Variants in ICA1 observed in about 807,000 individuals in gnomAD.
ICA1 encodes the protein islet cell autoantigen 1, also known as 69 kDa islet cell autoantigen.
In ICA1, 40 loss-of-function variants were observed where a neutral mutation model predicts 71.0. The observed-to-expected ratio is 0.56, with a 90% CI of 0.44 to 0.73. ICA1 has a LOEUF of 0.73. Ranked by LOEUF, ICA1 falls within the 30% of genes least tolerant of loss-of-function variation. The pLI is 0.00. For missense variants in ICA1, 578 were observed against 576.5 expected, an observed-to-expected ratio of 1.00 and a Z score of -0.03; for synonymous variants, 207 against 209.5, an observed-to-expected ratio of 0.99 and a Z score of 0.10.
chr7:8,117,778 G>A (rs1785252391), intron 13 of ICA1, among the ~76,000 whole-genome samples: 1 of 152,174 alleles, frequency 6.6e-6, no homozygotes, highest in Non-Finnish European at 1.5e-5. Context: ...AGTTCAGATG[G>A]GGCAGTGAAA....
intron 7 of ICA1, chr7:8,157,453 C>T (rs1002079646): frequency 9.2e-5 from 43 of 467,470 alleles, no homozygotes; most frequent in Middle Eastern, 5.4e-4. Flanking sequence ...GGGACATTCT[C>T]CTCTCCATTC....
chr7:8,147,636 T>C (rs969815586), intron 8 of ICA1, among the ~76,000 whole-genome samples: 6 of 151,212 alleles, frequency 4.0e-5, no homozygotes, highest in Non-Finnish European at 5.9e-5. Flanking sequence ...GCAAAATTGA[T>C]ACTGAGCACA....
intron 6 of ICA1, among the ~76,000 whole-genome samples, chr7:8,166,480 A>C (rs191907914): frequency 1.3e-5 from 2 of 152,354 alleles, no homozygotes; most frequent in East Asian, 3.9e-4. Context: ...TACACCATAC[A>C]AAAATATCAA....
chr7:8,127,695 G>A (rs1789799919), intron 13 of ICA1, among the ~76,000 whole-genome samples, 178 bp downstream of exon 13: 1 of 152,116 alleles, frequency 6.6e-6, no homozygotes, highest in South Asian at 2.1e-4. Flanking sequence ...TTATGAAAAG[G>A]AATGTATTTT....
chr7:8,138,755 G>C, intron 12 of ICA1, 85 bp downstream of exon 12: 1 of 1,155,626 alleles, frequency 8.7e-7, no homozygotes, highest in Non-Finnish European at 1.3e-6. Context: ...CTATTAAAAA[G>C]ATTAAGATTA....
rs868275095 is a variant in ICA1 at position 8,232,327 on chromosome 7, C to T, written c.183+263G>A. ...CAAGCAGCAGCTCTTTGACTGCATT[C>T]CTTTTCCCAAGAAACGCTTACTGAG... On this transcript the variant is annotated intron_variant, in intron 3 of 13. Transcript: ENST00000402384. 3.5e-4 allele frequency among the ~76,000 whole-genome samples: 54 copies of T among 152,322 alleles called. No individual in the cohort carries two copies. The Middle Eastern group carries it at 0.017, about 48-fold the overall frequency.
intron 5 of ICA1, 34 bp downstream of exon 5, chr7:8,221,241 C>T (rs781206035): frequency 1.2e-6 from 2 of 1,610,974 alleles, no homozygotes; most frequent in East Asian, 2.2e-5. Flanking sequence ...CTCCTCAGAT[C>T]CCCCCAGATA....
rs181750157 is a variant in ICA1 at position 8,205,313 on chromosome 7, C to A, written c.579+12992G>T. ...AGATCTTTAAAATTAAAGATGTTTT[C>A]AATGTCTTATTCTAAAATACTTGAT... On this transcript the variant is annotated intron_variant, in intron 6 of 13. Coordinates refer to ENST00000402384, the MANE Select transcript of ICA1 (RefSeq NM_001136020.3). Among the ~76,000 whole-genome samples, 9 of 152,248 alleles carry A rather than the reference C, an allele frequency of 5.9e-5. No individual in the cohort carries two copies. The East Asian group carries it at 1.5e-3, about 26-fold the overall frequency.
chr7:8,180,073 T>A (rs182846186), intron 6 of ICA1, among the ~76,000 whole-genome samples: 1 of 152,256 alleles, frequency 6.6e-6, no homozygotes, highest in Admixed American at 6.5e-5. Flanking sequence ...ATATACAGTT[T>A]TTTTTGCTCC....
At position 8,237,819 on chromosome 7, in the gene ICA1, G is replaced by GACACACAC. The variant is rs57343882; in HGVS notation, c.-79-1822_-79-1815dup. On this transcript the variant is annotated intron_variant, in intron 1 of 13. Coordinates refer to ENST00000402384, the MANE Select transcript of ICA1 (RefSeq NM_001136020.3). ...CATTGTATATGCAATGTTGAAGACA[G>GACACACAC]ACACACACACACACACACACACACA... Among the ~76,000 whole-genome samples the GACACACAC allele has an allele frequency of 7.9e-3, 1,120 of 142,156 alleles. 13 individuals are homozygous for GACACACAC. The highest frequency in any genetic ancestry group is 0.025 in the African/African-American group (970 of 39,484). The allele number at this position is 142,156 out of a possible 152,430, so 93.3% of individuals were successfully genotyped here.
intron 1 of ICA1, among the ~76,000 whole-genome samples, chr7:8,253,584 G>A (rs1224778608): frequency 6.6e-6 from 1 of 151,662 alleles, no homozygotes; most frequent in Non-Finnish European, 1.5e-5. Flanking sequence ...TCAACCAAAG[G>A]CAAATAGAAA....
At chr7:8,158,295 A>G in intron 7 of ICA1, 3 of 498,228 alleles carry the variant, frequency 6.0e-6, no homozygotes, top group Non-Finnish European at 1.1e-5. Context: ...GGTAGAAGGG[A>G]CCCCATAAGT....
chr7:8,253,354 C>T (rs867807108), intron 1 of ICA1, among the ~76,000 whole-genome samples: 1 of 152,174 alleles, frequency 6.6e-6, no homozygotes, highest in South Asian at 2.1e-4. Flanking sequence ...GCACAATGTA[C>T]TATTTGTGTC....
At chr7:8,255,927 C>T (rs59527707) in intron 1 of ICA1, among the ~76,000 whole-genome samples, 1 of 152,032 alleles carries the variant, frequency 6.6e-6, no homozygotes, top group African/African-American at 2.4e-5. Flanking sequence ...GCACATACCA[C>T]CACACCCAGC....
intron 1 of ICA1, among the ~76,000 whole-genome samples, chr7:8,244,127 C>T (rs1020935326): frequency 7.4e-4 from 112 of 152,156 alleles, no homozygotes; most frequent in Non-Finnish European, 2.9e-5. Context: ...AAGAACAAAC[C>T]TGGAGGCATC....
intron 6 of ICA1, among the ~76,000 whole-genome samples, chr7:8,174,607 A>G (rs1157744605): frequency 6.6e-6 from 1 of 151,920 alleles, no homozygotes; most frequent in Non-Finnish European, 1.5e-5. Flanking sequence ...CAGCTTGGGC[A>G]ACGTGGCAAA....
At chr7:8,118,618 A>T (rs951436010) in intron 13 of ICA1, among the ~76,000 whole-genome samples, 2 of 152,210 alleles carry the variant, frequency 1.3e-5, no homozygotes, top group African/African-American at 4.8e-5. Flanking sequence ...AAATCACATA[A>T]AACAGTGGTA....
At chr7:8,242,957 A>C (rs911079527) in intron 1 of ICA1, among the ~76,000 whole-genome samples, 12 of 152,210 alleles carry the variant, frequency 7.9e-5, no homozygotes, top group African/African-American at 2.9e-4. Context: ...CCAGGACCAG[A>C]CGGATTCACA....
chr7:8,253,140 G>A (rs547816014), intron 1 of ICA1, among the ~76,000 whole-genome samples: 1 of 152,332 alleles, frequency 6.6e-6, no homozygotes, highest in South Asian at 2.1e-4. Flanking sequence ...TCAAAAAAGA[G>A]CTAGAAATTA....
Sources: allele counts gnomAD v4.1 joint callset (sites outside exome capture counted in the v4.1 genomes callset), GRCh38; gene constraint gnomAD v4.1.1; transcripts MANE v1.5; gene names NCBI Gene and HGNC (gene_info 2026-07-23, HGNC 2026-07-21).